Variants in SLC9A8 observed in about 807,000 individuals in gnomAD.
SLC9A8 encodes the protein solute carrier family 9 member A8.
SLC9A8 carries 48 observed loss-of-function variants against 66.6 expected under a neutral mutation model. The observed-to-expected ratio is 0.72, with a 90% CI of 0.57 to 0.92. The LOEUF (loss-of-function observed/expected upper bound fraction) is 0.92, where lower values mean the gene tolerates loss of function less well. Among genes scored for constraint, SLC9A8 ranks in the 40% least tolerant of loss-of-function variants. SLC9A8 has a pLI of 0.00. For synonymous variants in SLC9A8, 274 were observed against 282.6 expected (o/e 0.97, Z 0.31); for missense variants, 599 against 747.3 (o/e 0.80, Z 2.31).
chr20:49,883,385 T>C (rs567070681), intron 13 of SLC9A8, among the ~76,000 whole-genome samples: 6 of 152,318 alleles, frequency 3.9e-5, no homozygotes, highest in African/African-American at 1.4e-4. Flanking sequence ...GGGCGGGCCA[T>C]GCTGCTCTTG....
At chr20:49,883,344 G>T (rs970408861) in intron 13 of SLC9A8, among the ~76,000 whole-genome samples, 2 of 152,162 alleles carry the variant, frequency 1.3e-5, no homozygotes, top group Non-Finnish European at 2.9e-5. Context: ...ATTGCATCTT[G>T]TGCTGTTGTG....
chr20:49,843,755 A>G (rs1214895970), intron 4 of SLC9A8, among the ~76,000 whole-genome samples: 2 of 152,184 alleles, frequency 1.3e-5, no homozygotes, highest in Non-Finnish European at 2.9e-5. Context: ...CAAATCTGGA[A>G]GCATGGTGCT....
intron 3 of SLC9A8, among the ~76,000 whole-genome samples, chr20:49,831,670 C>G (rs1169909972): frequency 6.6e-6 from 1 of 152,202 alleles, no homozygotes; most frequent in African/African-American, 2.4e-5. Flanking sequence ...AGACCAGACT[C>G]CAGACAGAGG....
At chr20:49,834,173 CTCTCTCTCTCTCTATATATATATATA>C (rs1233767313) in intron 3 of SLC9A8, among the ~76,000 whole-genome samples, 7 of 59,548 alleles carry the variant, frequency 1.2e-4, no homozygotes, top group Admixed American at 7.0e-4. Flanking sequence ...CTCTCTCTCT[CTCTCTCTCTCTCTATATATATATATA>C]TATATATATA....
intron 2 of SLC9A8, among the ~76,000 whole-genome samples, chr20:49,815,630 A>G (rs554327495): frequency 4.6e-4 from 70 of 152,256 alleles, no homozygotes; most frequent in Non-Finnish European, 9.4e-4. Context: ...CTGTAATCAC[A>G]GCTACTCAGG....
intron 10 of SLC9A8, among the ~76,000 whole-genome samples, chr20:49,865,450 T>C (rs1470241753): frequency 1.3e-5 from 2 of 152,144 alleles, no homozygotes; most frequent in African/African-American, 4.8e-5. Flanking sequence ...AAGTAGGTAC[T>C]AAGAGGTTGT....
intron 2 of SLC9A8, among the ~76,000 whole-genome samples, chr20:49,818,049 T>C (rs2086619394): frequency 6.6e-6 from 1 of 152,092 alleles, no homozygotes; most frequent in Non-Finnish European, 1.5e-5. Context: ...ACTTTTGTAA[T>C]CACTTTTTTT....
chr20:49,814,534 AATCTG>A, intron 1 of SLC9A8, among the ~76,000 whole-genome samples: 1 of 152,248 alleles, frequency 6.6e-6, no homozygotes, highest in East Asian at 1.9e-4. Flanking sequence ...AGCCGTTTGA[AATCTG>A]AGAGGGATTT....
chr20:49,834,861 G>C (rs552870398), intron 3 of SLC9A8, among the ~76,000 whole-genome samples: 1 of 152,248 alleles, frequency 6.6e-6, no homozygotes, highest in Non-Finnish European at 1.5e-5. Flanking sequence ...TTTTAGTAAA[G>C]CAGAAAAACA....
chr20:49,834,550 T>A (rs1369722563), intron 3 of SLC9A8, among the ~76,000 whole-genome samples: 1 of 149,316 alleles, frequency 6.7e-6, no homozygotes, highest in African/African-American at 2.5e-5. Flanking sequence ...TTGTGTGAAA[T>A]ACATTCATTT....
chr20:49,823,602 C>T lies in SLC9A8; in HGVS notation c.289+461C>T, dbSNP rs566298926. On this transcript the variant is annotated intron_variant, in intron 3 of 15. Transcript: ENST00000361573. ...AGTCAGGTCTAAAGTCTTCAGAGAGCATTGTGCTCTACCCCACTTACATTT... is the reference window on the plus strand; with the variant it reads ...AGTCAGGTCTAAAGTCTTCAGAGAGTATTGTGCTCTACCCCACTTACATTT... Among the ~76,000 whole-genome samples, 9 of 152,112 alleles carry T rather than the reference C, an allele frequency of 5.9e-5. No homozygotes were observed. In the South Asian group the frequency reaches 1.7e-3, roughly 28 times the overall value.
intron 3 of SLC9A8, among the ~76,000 whole-genome samples, chr20:49,824,928 A>G (rs1030028416): frequency 2.0e-5 from 3 of 152,158 alleles, no homozygotes; most frequent in Non-Finnish European, 2.9e-5. Context: ...GTGATGAGGT[A>G]GTGGGTCCTG....
chr20:49,881,895 G>GA (rs1251818136), intron 13 of SLC9A8, among the ~76,000 whole-genome samples: 1 of 152,134 alleles, frequency 6.6e-6, no homozygotes, highest in Non-Finnish European at 1.5e-5. Flanking sequence ...TTTTTGAAGT[G>GA]ATGTGGGCTA....
At chr20:49,874,034 G>A (rs1314411161) in intron 10 of SLC9A8, among the ~76,000 whole-genome samples, 5 of 152,022 alleles carry the variant, frequency 3.3e-5, no homozygotes, top group Admixed American at 3.3e-4. Flanking sequence ...CAGATCACCC[G>A]AGGTCAGGAG....
intron 12 of SLC9A8, among the ~76,000 whole-genome samples, chr20:49,879,154 C>T (rs555208505): frequency 6.6e-6 from 1 of 152,158 alleles, no homozygotes; most frequent in South Asian, 2.1e-4. Flanking sequence ...CTATTTCAGC[C>T]ACAGGTTGGG....
At chr20:49,868,711 C>T (rs1321192652) in intron 10 of SLC9A8, among the ~76,000 whole-genome samples, 2 of 152,124 alleles carry the variant, frequency 1.3e-5, no homozygotes, top group Non-Finnish European at 2.9e-5. Flanking sequence ...CAGACTTAAC[C>T]ACCCCATGCT....
intron 3 of SLC9A8, among the ~76,000 whole-genome samples, chr20:49,839,073 T>C (rs532622173): frequency 2.0e-5 from 3 of 152,384 alleles, no homozygotes; most frequent in African/African-American, 7.2e-5. Context: ...ACTTTTACTT[T>C]AGGTTATTTT....
At chr20:49,855,070 G>A (rs745943578) in intron 7 of SLC9A8, among the ~76,000 whole-genome samples, 7 of 152,224 alleles carry the variant, frequency 4.6e-5, no homozygotes, top group East Asian at 1.9e-4. Flanking sequence ...GTGGCGAGGG[G>A]CAGAGCAGAG....
chr20:49,816,124 A>G (rs2086539765), intron 2 of SLC9A8, among the ~76,000 whole-genome samples: 1 of 152,188 alleles, frequency 6.6e-6, no homozygotes, highest in African/African-American at 2.4e-5. Context: ...TCACTCTCTG[A>G]AAACCTCATT....
Sources: allele counts gnomAD v4.1 joint callset (sites outside exome capture counted in the v4.1 genomes callset), GRCh38; gene constraint gnomAD v4.1.1; transcripts MANE v1.5; gene names NCBI Gene and HGNC (gene_info 2026-07-23, HGNC 2026-07-21).